ARHGEF4: variants seen among roughly 807,000 people sequenced by gnomAD.
The protein encoded by ARHGEF4 is APC-stimulated guanine nucleotide exchange factor 1.
Under a neutral mutation model 162.0 loss-of-function variants are expected in ARHGEF4, and 119 were observed. That is an observed-to-expected ratio of 0.73 (90% CI 0.63 to 0.86). ARHGEF4 has a LOEUF of 0.86. ARHGEF4 is among the 40% of genes least tolerant of loss of function. The pLI, the probability that ARHGEF4 is intolerant of heterozygous loss-of-function variation, is 0.00. For synonymous variants in ARHGEF4, 1,014 were observed against 979.9 expected, an observed-to-expected ratio of 1.03 and a Z score of -0.65; for missense variants, 2,488 against 2,456.0, an observed-to-expected ratio of 1.01 and a Z score of -0.28.
At chr2:130,981,601 G>GTGAGCA (rs1416984713) in intron 4 of ARHGEF4, among the ~76,000 whole-genome samples, 1 of 150,948 alleles carries the variant, frequency 6.6e-6, no homozygotes, top group Non-Finnish European at 1.5e-5. Flanking sequence ...GGAGGTTGCA[G>GTGAGCA]TGAGCAAGAT....
intron 4 of ARHGEF4, among the ~76,000 whole-genome samples, chr2:131,014,625 A>G (rs957742867): frequency 1.3e-5 from 2 of 152,208 alleles, no homozygotes; most frequent in African/African-American, 2.4e-5. Flanking sequence ...CCCAGACATC[A>G]TGTAATTTGA....
intron 4 of ARHGEF4, among the ~76,000 whole-genome samples, chr2:130,984,086 A>G (rs1218510685): frequency 6.6e-6 from 1 of 152,256 alleles, no homozygotes; most frequent in Non-Finnish European, 1.5e-5. Flanking sequence ...GCAATGAGAT[A>G]GCAATACAAA....
intron 3 of ARHGEF4, 101 bp downstream of exon 3, chr2:130,931,358 T>G: frequency 7.6e-7 from 1 of 1,308,750 alleles, no homozygotes. Context: ...TCTCCTGAGA[T>G]GTAACTTGTC....
intron 1 of ARHGEF4, among the ~76,000 whole-genome samples, chr2:130,854,846 T>TTTATTTA (rs372135407): frequency 1.1e-4 from 15 of 140,314 alleles, no homozygotes; most frequent in Non-Finnish European, 1.5e-4. Flanking sequence ...GGAGTCTGAC[T>TTTATTTA]TTTATTTATT....
At chr2:130,838,737 G>A (rs946167942) in intron 1 of ARHGEF4, among the ~76,000 whole-genome samples, 8 of 152,332 alleles carry the variant, frequency 5.3e-5, no homozygotes, top group Admixed American at 5.2e-4. Flanking sequence ...TGCACCCACA[G>A]CAAGGGTGGC....
chr2:131,014,072 A>G (rs1272129680), intron 4 of ARHGEF4, among the ~76,000 whole-genome samples: 1 of 152,252 alleles, frequency 6.6e-6, no homozygotes, highest in Non-Finnish European at 1.5e-5. Context: ...AATATGTGAC[A>G]TAACTTCATT....
chr2:130,874,179 G>T (rs1198928097), intron 1 of ARHGEF4, among the ~76,000 whole-genome samples: 1 of 152,204 alleles, frequency 6.6e-6, no homozygotes, highest in South Asian at 2.1e-4. Flanking sequence ...AAAAACGGAG[G>T]CTCAGTCCCT....
chr2:130,985,871 G>A (rs989661721), intron 4 of ARHGEF4, among the ~76,000 whole-genome samples: 9 of 151,430 alleles, frequency 5.9e-5, no homozygotes, highest in South Asian at 2.1e-4. Flanking sequence ...TTGTGTGTGC[G>A]TGGTGTGTAT....
chr2:131,008,352 CT>C (rs1440124048), intron 4 of ARHGEF4, among the ~76,000 whole-genome samples: 1 of 148,464 alleles, frequency 6.7e-6, no homozygotes, highest in Non-Finnish European at 1.5e-5. Context: ...CTTTGTAAAA[CT>C]TTTCTTGAAG....
intron 4 of ARHGEF4, among the ~76,000 whole-genome samples, chr2:130,953,864 C>T (rs1182959679): frequency 6.6e-6 from 1 of 152,226 alleles, no homozygotes; most frequent in Non-Finnish European, 1.5e-5. Context: ...TACCATCTCA[C>T]ACCAGTTAGA....
intron 4 of ARHGEF4, among the ~76,000 whole-genome samples, chr2:131,014,150 G>A (rs1688636311): frequency 6.6e-6 from 1 of 152,124 alleles, no homozygotes; most frequent in Non-Finnish European, 1.5e-5. Context: ...CATTCCTTGG[G>A]TTTGTACTCC....
At chr2:130,856,707 G>A (rs528201648) in intron 1 of ARHGEF4, among the ~76,000 whole-genome samples, 114 of 152,280 alleles carry the variant, frequency 7.5e-4, no homozygotes, top group African/African-American at 2.6e-3. Flanking sequence ...AATGTTAAAT[G>A]ACGAGTTAAT....
At chr2:131,004,798 C>A (rs546340007) in intron 4 of ARHGEF4, among the ~76,000 whole-genome samples, 4 of 152,194 alleles carry the variant, frequency 2.6e-5, no homozygotes, top group Non-Finnish European at 4.4e-5. Flanking sequence ...TTCTGGCAAC[C>A]ACATCTCTGC....
chr2:130,946,819 T>C, intron 4 of ARHGEF4, 184 bp downstream of exon 4: 1 of 761,238 alleles, frequency 1.3e-6, no homozygotes, highest in Non-Finnish European at 2.0e-6. Flanking sequence ...AAGGGAATTA[T>C]TGGCTGGGCA....
chr2:130,864,655 C>T lies in ARHGEF4; in HGVS notation c.39+27663C>T, dbSNP rs368703214. 1.2e-4 allele frequency among the ~76,000 whole-genome samples: 19 copies of T among 152,084 alleles called. No individual in the cohort carries two copies. In the East Asian group the frequency reaches 2.1e-3, roughly 17 times the overall value. On this transcript the variant is annotated intron_variant, in intron 1 of 13. Coordinates refer to ENST00000409359, the MANE Select transcript of ARHGEF4 (RefSeq NM_001367493.1). Reference sequence around the variant, plus strand: ...AGGACAATTGCTGGAACCCAGGAGGCGGAAGTTGTAGTGAGCCGAGATCAT... The same window carrying T: ...AGGACAATTGCTGGAACCCAGGAGGTGGAAGTTGTAGTGAGCCGAGATCAT...
intron 1 of ARHGEF4, among the ~76,000 whole-genome samples, chr2:130,912,355 A>G (rs1681238478): frequency 6.6e-6 from 1 of 152,188 alleles, no homozygotes; most frequent in African/African-American, 2.4e-5. Flanking sequence ...TCCTGTAACA[A>G]CCACACAGCC....
chr2:130,952,239 C>T (rs1055876840), intron 4 of ARHGEF4, among the ~76,000 whole-genome samples: 1 of 152,032 alleles, frequency 6.6e-6, no homozygotes, highest in African/African-American at 2.4e-5. Context: ...TTTTGTTTAT[C>T]TGGGAAAATC....
At position 131,040,067 on chromosome 2, in the gene ARHGEF4, AACAGCGGAGCGGAGG is replaced by A. The variant is rs773894435; in HGVS notation, c.4360_4374del (p.Ser1454_Asp1458del). On this transcript the variant is annotated inframe_deletion, in exon 7 of 14. Coordinates refer to ENST00000409359, the MANE Select transcript of ARHGEF4 (RefSeq NM_001367493.1). ...GGATGACGACGCCCCTCTGGCCGGG[AACAGCGGAGCGGAGG>A]ACGGCGGGGCGGAGGCGCAGAGCAG... is the stretch of plus-strand genomic sequence containing the variant. 3 of 1,596,472 alleles carry A rather than the reference AACAGCGGAGCGGAGG, an allele frequency of 1.9e-6. No homozygotes were observed. In the Admixed American group the frequency reaches 5.2e-5, roughly 28 times the overall value.
chr2:130,855,881 A>G (rs973327776), intron 1 of ARHGEF4, among the ~76,000 whole-genome samples: 6 of 152,218 alleles, frequency 3.9e-5, no homozygotes, highest in Non-Finnish European at 7.3e-5. Context: ...AACAATATCA[A>G]CAACCCACAG....
Sources: gnomAD v4.1 joint callset for allele counts (sites outside exome capture counted in the v4.1 genomes callset) on GRCh38, gnomAD v4.1.1 for gene constraint, MANE v1.5 for transcripts, NCBI Gene and HGNC (gene_info 2026-07-23, HGNC 2026-07-21) for gene names.